PFKFB2: variants seen among roughly 807,000 people sequenced by gnomAD.
PFKFB2 encodes 6-phosphofructo-2-kinase/fructose-2,6-biphosphatase 2, also known as 6-phosphofructo-2-kinase/fructose-2,6-bisphosphatase 2.
PFKFB2 carries 53 observed loss-of-function variants against 68.0 expected under a neutral mutation model. That is an observed-to-expected ratio of 0.78 (90% CI 0.63 to 0.98). PFKFB2 has a LOEUF of 0.98. Among genes scored for constraint, PFKFB2 ranks in the 50% least tolerant of loss-of-function variants. The probability of loss-of-function intolerance (pLI) is 0.00; values close to 1 mark genes in which losing one functional copy is unlikely to be tolerated. For missense variants in PFKFB2, 451 were observed against 642.0 expected, an observed-to-expected ratio of 0.70 and a Z score of 3.22; for synonymous variants, 222 against 227.6, an observed-to-expected ratio of 0.98 and a Z score of 0.22.
chr1:207,057,302 C>CAAAAAAAAAAAAA (rs748726221), intron 2 of PFKFB2, among the ~76,000 whole-genome samples: 1 of 40,402 alleles, frequency 2.5e-5, no homozygotes, highest in Non-Finnish European at 5.0e-5. Context: ...AAAAAAACTA[C>CAAAAAAAAAAAAA]AAAAAAAAAA....
chr1:207,041,116 A>G lies in PFKFB2; in HGVS notation c.-61-1053A>G, dbSNP rs538581782. On this transcript the variant is annotated intron_variant, in intron 1 of 5. Transcript: ENST00000545806. ...GCTACTTTTTGTATTTTTAGTAGAG[A>G]CAGGGTTTCACCGTGTTAGCCAGGA... 4.1e-3 allele frequency among the ~76,000 whole-genome samples: 618 copies of G among 151,896 alleles called. 1 individual carries two copies. Among genetic ancestry groups the G allele is most frequent in the Non-Finnish European group, 6.0e-3 (408 of 67,878 alleles).
upstream of PFKFB2, chr1:207,051,212 G>A (rs1387767111): frequency 3.3e-6 from 4 of 1,221,444 alleles, no homozygotes; most frequent in Non-Finnish European, 4.3e-6. Flanking sequence ...AGCGAGTGAG[G>A]TGCCCTCCGC....
Position 207,057,346 on chromosome 1 carries a change from C to T in PFKFB2, c.85+2544C>T, listed in dbSNP as rs1490224226. On this transcript the variant is annotated intron_variant, in intron 2 of 14. Transcript: ENST00000367080. ...AAAAAAAACTAGCCGGGCATGGTGG[C>T]GGGCGCCTGTAGTCCCAGCTACTCG... 1.3e-3 allele frequency among the ~76,000 whole-genome samples: 169 copies of T among 135,048 alleles called. 1 individual carries two copies. The highest frequency in any genetic ancestry group is 4.5e-3 in the African/African-American group (161 of 35,934). 88.6% of individuals were successfully genotyped at this position (135,048 alleles called of 152,430 possible). A position where few individuals can be genotyped will look rare whatever the true frequency, so the allele number is the denominator to read the frequency against.
At chr1:207,059,173 T>G (rs916594616) in intron 2 of PFKFB2, among the ~76,000 whole-genome samples, 1 of 152,118 alleles carries the variant, frequency 6.6e-6, no homozygotes, top group African/African-American at 2.4e-5. Flanking sequence ...CAGTTTTTTG[T>G]TGTTGTTGTT....
upstream of PFKFB2, chr1:207,049,466 T>C (rs750884001): frequency 6.2e-6 from 10 of 1,614,100 alleles, no homozygotes; most frequent in Middle Eastern, 1.6e-4. Context: ...TTTCCCAGTA[T>C]TGCCTCACTA....
intron 2 of PFKFB2, among the ~76,000 whole-genome samples, chr1:207,056,281 G>T (rs1191132299): frequency 6.6e-6 from 1 of 151,688 alleles, no homozygotes; most frequent in Non-Finnish European, 1.5e-5. Context: ...TGTATTGGAA[G>T]CTCACTATTT....
chr1:207,071,981 TTTGGGTC>T (rs1683477610), intron 14 of PFKFB2, among the ~76,000 whole-genome samples: 1 of 152,194 alleles, frequency 6.6e-6, no homozygotes, highest in African/African-American at 2.4e-5. Flanking sequence ...CCTTCCTTTC[TTTGGGTC>T]TTTTTCCTGC....
In PFKFB2 at chr1:207,063,095, CTGTT is replaced by C. The variant is rs537801346; in HGVS notation, c.309-45_309-42del. Reference sequence around the variant, plus strand: ...GCCACCCGAATGTTTGTGTCTCTGACTGTTTGAGCTTAGCTCTCCTTGCTGGTTT... The same window carrying C: ...GCCACCCGAATGTTTGTGTCTCTGACTGAGCTTAGCTCTCCTTGCTGGTTT... On this transcript the variant is annotated intron_variant, in intron 4 of 14. Coordinates refer to ENST00000367080, the MANE Select transcript of PFKFB2 (RefSeq NM_006212.2). The surrounding 1 kb of genome is among the most constrained non-coding windows in gnomAD (Gnocchi z 4.1). 151 of 1,497,310 alleles carry C rather than the reference CTGTT, an allele frequency of 1.0e-4. No homozygotes were observed. In the African/African-American group the frequency reaches 1.7e-3, roughly 17 times the overall value. 92.8% of individuals were successfully genotyped at this position (1,497,310 alleles called of 1,614,324 possible).
chr1:207,062,746 G>C (rs2102350853), intron 4 of PFKFB2, 30 bp downstream of exon 4: 1 of 1,602,948 alleles, frequency 6.2e-7, no homozygotes, highest in Non-Finnish European at 8.5e-7. Context: ...TGATCTCCAG[G>C]TCAGCTCTTT....
chr1:207,058,591 T>A (rs138795471), intron 2 of PFKFB2, among the ~76,000 whole-genome samples: 10 of 152,168 alleles, frequency 6.6e-5, no homozygotes, highest in African/African-American at 2.2e-4. Flanking sequence ...AAGTCCTCAT[T>A]TTTTTTGTAA....
chr1:207,079,056 T>G (rs1489927523), downstream of PFKFB2: 6 of 1,534,480 alleles, frequency 3.9e-6, no homozygotes, highest in Non-Finnish European at 5.4e-6. Context: ...TCCAAACGAC[T>G]GGGATCTACT....
chr1:207,050,950 G>A (rs778669007), upstream of PFKFB2: 73 of 1,572,136 alleles, frequency 4.6e-5, 1 homozygote, highest in South Asian at 3.9e-4. Flanking sequence ...CTTTGGTCCC[G>A]GCAGCCTGTT....
At chr1:207,068,130 T>G (rs542027420) in intron 9 of PFKFB2, 33 bp from the exon 10 acceptor site, 1 of 1,323,604 alleles carries the variant, frequency 7.6e-7, no homozygotes, top group South Asian at 1.3e-5. Context: ...GTGTGTTTTC[T>G]TTTTACCCTT....
chr1:207,062,187 A>T, intron 3 of PFKFB2, 109 bp downstream of exon 3: 1 of 1,412,764 alleles, frequency 7.1e-7, no homozygotes, highest in South Asian at 1.2e-5. Flanking sequence ...CTTTTGGCAG[A>T]AATAGCAGTT....
chr1:207,039,791 G>C (rs1682443620), intron 1 of PFKFB2, among the ~76,000 whole-genome samples: 1 of 152,054 alleles, frequency 6.6e-6, no homozygotes, highest in Non-Finnish European at 1.5e-5. Context: ...AGATAGTGAA[G>C]AATTTGGCAG....
rs2102355662 is a variant in PFKFB2, at chr1:207,065,169, T to G, written c.632+9T>G. On this transcript the variant is annotated intron_variant, in intron 8 of 14. Coordinates refer to ENST00000367080, the MANE Select transcript of PFKFB2 (RefSeq NM_006212.2). ...CCAGACAACTATGACAAGTAAGGTT[T>G]AAGGCCATGGTTTGAAGGGCCCAAG... 1 of 1,613,516 alleles carries G rather than the reference T, an allele frequency of 6.2e-7. No homozygotes were observed. Among genetic ancestry groups the G allele is most frequent in the Non-Finnish European group, 8.5e-7 (1 of 1,179,750 alleles).
chr1:207,048,575 T>C (rs1451171976), upstream of PFKFB2: 1 of 159,010 alleles, frequency 6.3e-6, no homozygotes, highest in East Asian at 1.9e-4. Flanking sequence ...TTACCCAAAA[T>C]GTGATGCTTT....
chr1:207,065,544 G>A (rs1054954606), intron 8 of PFKFB2, among the ~76,000 whole-genome samples: 6 of 151,130 alleles, frequency 4.0e-5, no homozygotes, highest in Non-Finnish European at 8.8e-5. Flanking sequence ...TAAAGATAGA[G>A]TTTCCCCATG....
chr1:207,035,035 T>G, intron 1 of PFKFB2: 1 of 505,444 alleles, frequency 2.0e-6, no homozygotes, highest in Non-Finnish European at 2.6e-6. Context: ...GTCAAAAGCC[T>G]GAAAGAATAA....
Sources: gnomAD v4.1 joint callset for allele counts (sites outside exome capture counted in the v4.1 genomes callset) on GRCh38, gnomAD v4.1.1 for gene constraint, Gnocchi (gnomAD v3.1) non-coding constraint, MANE v1.5 for transcripts, NCBI Gene and HGNC (gene_info 2026-07-23, HGNC 2026-07-21) for gene names.